Variants in PIWIL4 observed in about 807,000 individuals in gnomAD.
The protein encoded by PIWIL4 is piwi-like protein 4.
PIWIL4 carries 50 observed loss-of-function variants against 100.9 expected under a neutral mutation model. The ratio of observed to expected loss-of-function variants is 0.50; its 90% CI spans 0.39 to 0.63. PIWIL4 has a LOEUF of 0.63. Ranked by LOEUF, PIWIL4 falls within the 20% of genes least tolerant of loss-of-function variation. PIWIL4 has a pLI of 0.00. For missense variants in PIWIL4, 887 were observed against 1,043.3 expected (o/e 0.85, Z 2.06); for synonymous variants, 342 against 367.5 (o/e 0.93, Z 0.79).
chr11:94,605,481 G>A (rs1437818818), intron 13 of PIWIL4, among the ~76,000 whole-genome samples: 1 of 152,100 alleles, frequency 6.6e-6, no homozygotes, highest in Non-Finnish European at 1.5e-5. Context: ...TCCACTGTAT[G>A]GTGGATTATG....
intron 9 of PIWIL4, 85 bp downstream of exon 9, chr11:94,593,726 A>G (rs776972890): frequency 1.0e-4 from 146 of 1,452,760 alleles, no homozygotes; most frequent in Non-Finnish European, 1.3e-4. Flanking sequence ...TTTAAGTTAC[A>G]TGAATGCCAG....
intron 8 of PIWIL4, among the ~76,000 whole-genome samples, chr11:94,592,843 G>A (rs573370196): frequency 3.9e-5 from 6 of 152,250 alleles, no homozygotes; most frequent in African/African-American, 1.2e-4. Context: ...AACAGTTGCC[G>A]GGGATTCATT....
rs1948386430 is a variant in PIWIL4, at chr11:94,585,497, T to G, written c.688T>G (p.Ser230Ala). The G allele has an allele frequency of 6.2e-7, 1 of 1,610,230 alleles. No homozygotes were observed. The highest frequency in any genetic ancestry group is 1.7e-4 in the Middle Eastern group (1 of 6,046). ...YQIGRNFYNP[S>A]EPMEIPQHKL... The stretch of plus-strand genomic sequence containing the variant: ...AATTGGACGGAACTTCTATAATCCT[T>G]CAGAGCCAATGGAAATTCCCCAGCA... Residue 230 changes from serine (S) to alanine (A), a missense_variant, in exon 6 of 20, where the codon TCA (serine) becomes GCA (alanine). Physicochemically the swap from Ser to Ala is moderately conservative, Grantham distance 99. Coordinates refer to ENST00000299001, the MANE Select transcript of PIWIL4 (RefSeq NM_152431.3).
Position 94,601,952 on chromosome 11 carries a change from T to C in PIWIL4, c.1538T>C (p.Met513Thr). ...LNCLRRVAGS[M>T]GFNVDYPKII... ...TGCTTGAGAAGAGTTGCAGGTTCCATGGGATTTAATGTGGACTACCCCAAA... is the reference window on the plus strand; with the variant it reads ...TGCTTGAGAAGAGTTGCAGGTTCCACGGGATTTAATGTGGACTACCCCAAA... The change falls in exon 12 of 20, where the codon ATG (methionine) becomes ACG (threonine). Residue 513 changes from methionine (M) to threonine (T), a missense_variant. Met to Thr is a moderately conservative substitution (Grantham distance 81). Transcript: ENST00000299001. 1 of 1,611,174 alleles carries C rather than the reference T, an allele frequency of 6.2e-7. No homozygotes were observed. Among genetic ancestry groups the C allele is most frequent in the Non-Finnish European group, 8.5e-7 (1 of 1,179,392 alleles).
At chr11:94,583,048 G>GTT (rs1948347545) in intron 4 of PIWIL4, among the ~76,000 whole-genome samples, 2 of 148,474 alleles carry the variant, frequency 1.3e-5, no homozygotes, top group East Asian at 4.0e-4. Flanking sequence ...ATATATATGT[G>GTT]TGTGTGTGTG....
chr11:94,620,529 G>A (rs1948894054), intron 19 of PIWIL4, among the ~76,000 whole-genome samples: 1 of 152,148 alleles, frequency 6.6e-6, no homozygotes, highest in Non-Finnish European at 1.5e-5. Context: ...TCTGCCCTTT[G>A]TTCCTGTGCA....
At chr11:94,570,319 A>T (rs997263223) in intron 2 of PIWIL4, among the ~76,000 whole-genome samples, 18 of 151,964 alleles carry the variant, frequency 1.2e-4, no homozygotes, top group African/African-American at 4.4e-4. Context: ...TAAGGTGGGG[A>T]CAGGGCTGGT....
intron 4 of PIWIL4, 100 bp from the exon 5 acceptor site, chr11:94,583,348 T>G (rs951814113): frequency 2.2e-6 from 3 of 1,364,408 alleles, no homozygotes; most frequent in South Asian, 1.3e-5. Flanking sequence ...TGCAGTTTTG[T>G]TTTTGTTAAT....
Position 94,587,254 on chromosome 11 carries a change from G to T in PIWIL4, c.914+7G>T, listed in dbSNP as rs755399085. Reference sequence around the variant, plus strand: ...GGCTCATTGTCCTTACAAGGTACAAGCCTGCGTCTAAATAAACTTTTCTTC... The same window carrying T: ...GGCTCATTGTCCTTACAAGGTACAATCCTGCGTCTAAATAAACTTTTCTTC... On this transcript the variant is annotated splice_region_variant and intron_variant, in intron 7 of 19. Coordinates refer to ENST00000299001, the MANE Select transcript of PIWIL4 (RefSeq NM_152431.3). 4 of 1,605,230 alleles carry T rather than the reference G, an allele frequency of 2.5e-6. No homozygotes were observed. The highest frequency in any genetic ancestry group is 3.4e-6 in the Non-Finnish European group (4 of 1,175,794).
intron 15 of PIWIL4, among the ~76,000 whole-genome samples, chr11:94,614,055 C>T (rs1348324049): frequency 6.6e-6 from 1 of 152,044 alleles, no homozygotes; most frequent in Non-Finnish European, 1.5e-5. Context: ...AACCACCAGG[C>T]CCAGCTTGCT....
intron 2 of PIWIL4, among the ~76,000 whole-genome samples, chr11:94,569,373 T>A (rs79786798): frequency 0.012 from 1,688 of 144,372 alleles, 32 homozygotes; most frequent in African/African-American, 0.041. Flanking sequence ...TTGTTTTTTT[T>A]TTTTGTTTGT....
At chr11:94,586,550 T>C (rs1361575004) in intron 6 of PIWIL4, among the ~76,000 whole-genome samples, 1 of 152,178 alleles carries the variant, frequency 6.6e-6, no homozygotes, top group Non-Finnish European at 1.5e-5. Context: ...ACCTTTGAAT[T>C]GGGGTGCTTT....
chr11:94,600,577 TAAAATTGCTAATA>T (rs1177763001), intron 11 of PIWIL4, among the ~76,000 whole-genome samples: 4 of 152,126 alleles, frequency 2.6e-5, no homozygotes, highest in Non-Finnish European at 5.9e-5. Flanking sequence ...CGGGCGAAAT[TAAAATTGCTAATA>T]AAGTTTCGGG....
chr11:94,578,290 C>T (rs187717266), intron 4 of PIWIL4, among the ~76,000 whole-genome samples: 6 of 152,318 alleles, frequency 3.9e-5, no homozygotes. Context: ...CGGCTCTGCT[C>T]TTATCTGCAG....
At chr11:94,584,033 A>G (rs1018258089) in intron 5 of PIWIL4, among the ~76,000 whole-genome samples, 2 of 152,090 alleles carry the variant, frequency 1.3e-5, no homozygotes, top group Non-Finnish European at 2.9e-5. Context: ...CCACACCTAC[A>G]TGGTTGTAGC....
chr11:94,608,760 C>A, intron 15 of PIWIL4, 74 bp downstream of exon 15: 1 of 1,256,940 alleles, frequency 8.0e-7, no homozygotes, highest in Non-Finnish European at 1.2e-6. Context: ...AAGAATGTAA[C>A]AGCAAGGAAT....
At chr11:94,576,478 G>A (rs1948239019) in intron 3 of PIWIL4, among the ~76,000 whole-genome samples, 1 of 152,132 alleles carries the variant, frequency 6.6e-6, no homozygotes, top group South Asian at 2.1e-4. Context: ...ATGATTCTCT[G>A]TAAGGGGAAG....
chr11:94,580,441 C>T lies in PIWIL4; in HGVS notation c.513+2949C>T, dbSNP rs75242586. ...AGTTCCAGGATTCCTGTTCAGCTGC[C>T]TCCTAGCCTTCCACTGTCCAGGTCC... On this transcript the variant is annotated intron_variant, in intron 4 of 19. Coordinates refer to ENST00000299001, the MANE Select transcript of PIWIL4 (RefSeq NM_152431.3). 1.8e-4 allele frequency among the ~76,000 whole-genome samples: 28 copies of T among 152,240 alleles called. No homozygotes were observed. The East Asian group carries it at 5.4e-3, about 29-fold the overall frequency.
chr11:94,578,659 G>C (rs192975690), intron 4 of PIWIL4, among the ~76,000 whole-genome samples: 1 of 152,154 alleles, frequency 6.6e-6, no homozygotes, highest in African/African-American at 2.4e-5. Context: ...TTTGATGTCT[G>C]TTCTGGCTTC....
Sources: gnomAD v4.1 joint callset for allele counts (sites outside exome capture counted in the v4.1 genomes callset) on GRCh38, gnomAD v4.1.1 for gene constraint, MANE v1.5 for transcripts, NCBI Gene and HGNC (gene_info 2026-07-23, HGNC 2026-07-21) for gene names.